Variants in SLC35F4 observed in about 807,000 individuals in gnomAD.
SLC35F4 encodes solute carrier family 35 member F4, also known as chromosome 14 open reading frame 36.
SLC35F4 carries 24 observed loss-of-function variants against 44.2 expected under a neutral mutation model. The observed-to-expected ratio is 0.54, with a 90% confidence interval of 0.39 to 0.76. The LOEUF (loss-of-function observed/expected upper bound fraction) is 0.76. Among genes scored for constraint, SLC35F4 ranks in the 30% least tolerant of loss-of-function variants. SLC35F4 has a pLI of 0.00. For missense variants in SLC35F4, 562 were observed against 586.1 expected (o/e 0.96, Z 0.42); for synonymous variants, 238 against 223.6 (o/e 1.06, Z -0.57).
intron 1 of SLC35F4, among the ~76,000 whole-genome samples, chr14:57,955,096 G>A (rs947620351): frequency 4.6e-5 from 7 of 152,024 alleles, no homozygotes; most frequent in Non-Finnish European, 7.4e-5. Flanking sequence ...TATCCACCAC[G>A]ATCAAGCTGG....
intron 1 of SLC35F4, among the ~76,000 whole-genome samples, chr14:57,632,415 T>G (rs1158906969): frequency 6.6e-6 from 1 of 151,958 alleles, no homozygotes; most frequent in African/African-American, 2.4e-5. Context: ...CAGGGAGAGC[T>G]CACAGGAGGT....
chr14:57,614,939 G>C (rs1423695710), intron 1 of SLC35F4, among the ~76,000 whole-genome samples: 1 of 152,242 alleles, frequency 6.6e-6, no homozygotes, highest in Non-Finnish European at 1.5e-5. Flanking sequence ...CATAAAATAA[G>C]AGGGTGGGAC....
intron 1 of SLC35F4, among the ~76,000 whole-genome samples, chr14:57,887,773 T>C (rs1409381357): frequency 6.6e-6 from 1 of 152,186 alleles, no homozygotes; most frequent in Non-Finnish European, 1.5e-5. Context: ...CAGCCTCTTC[T>C]GGGCATTATT....
chr14:57,822,191 T>C (rs1273974850), intron 1 of SLC35F4, among the ~76,000 whole-genome samples: 3 of 152,216 alleles, frequency 2.0e-5, no homozygotes, highest in Admixed American at 6.5e-5. Flanking sequence ...TTGGAGCACA[T>C]TGCATTGTCT....
intron 1 of SLC35F4, among the ~76,000 whole-genome samples, chr14:57,603,298 T>TA (rs906878648): frequency 5.3e-5 from 8 of 152,224 alleles, no homozygotes; most frequent in Middle Eastern, 3.4e-3. Context: ...ACAATTTTTT[T>TA]AAAAAAAATC....
intron 1 of SLC35F4, among the ~76,000 whole-genome samples, chr14:57,853,220 T>A (rs534091613): frequency 2.8e-4 from 42 of 152,296 alleles, no homozygotes; most frequent in African/African-American, 9.9e-4. Context: ...CAAGGACTTA[T>A]ACTCTAAATA....
At chr14:57,682,539 A>C (rs2074940061) in intron 1 of SLC35F4, among the ~76,000 whole-genome samples, 1 of 152,092 alleles carries the variant, frequency 6.6e-6, no homozygotes, top group South Asian at 2.1e-4. Flanking sequence ...CATAATGTAG[A>C]TGACGGATTG....
At chr14:57,939,746 A>G (rs1889882019) in intron 1 of SLC35F4, among the ~76,000 whole-genome samples, 1 of 152,224 alleles carries the variant, frequency 6.6e-6, no homozygotes, top group African/African-American at 2.4e-5. Context: ...GGAGTTGGGT[A>G]GAAGGCCAGA....
At chr14:57,797,576 G>C (rs1192741799) in intron 1 of SLC35F4, among the ~76,000 whole-genome samples, 2 of 151,990 alleles carry the variant, frequency 1.3e-5, no homozygotes, top group African/African-American at 2.4e-5. Flanking sequence ...AGCTCAAACA[G>C]TCTATGAAAA....
At chr14:57,566,382 C>A in intron 7 of SLC35F4, 93 bp downstream of exon 7, 1 of 1,209,548 alleles carries the variant, frequency 8.3e-7, no homozygotes. Flanking sequence ...ACATAATTCA[C>A]AATTTCTAGA....
chr14:57,795,510 C>A (rs1306495873), intron 1 of SLC35F4, among the ~76,000 whole-genome samples: 2 of 152,156 alleles, frequency 1.3e-5, no homozygotes, highest in Non-Finnish European at 2.9e-5. Context: ...TTTAGCCAGT[C>A]TGCTTATGTA....
intron 1 of SLC35F4, among the ~76,000 whole-genome samples, chr14:57,904,310 G>A (rs943492354): frequency 2.0e-5 from 3 of 152,256 alleles, no homozygotes; most frequent in South Asian, 2.1e-4. Context: ...TCTCCTGCTC[G>A]GTCTGTTGAG....
intron 1 of SLC35F4, among the ~76,000 whole-genome samples, chr14:57,778,418 CAAG>C (rs1482645252): frequency 1.3e-5 from 2 of 152,032 alleles, no homozygotes; most frequent in Admixed American, 6.6e-5. Flanking sequence ...TTCAATTCAA[CAAG>C]AAGAGCTAAC....
At chr14:57,729,965 A>G (rs2076304937) in intron 1 of SLC35F4, among the ~76,000 whole-genome samples, 1 of 152,160 alleles carries the variant, frequency 6.6e-6, no homozygotes, top group African/African-American at 2.4e-5. Context: ...AGCTCAGCAC[A>G]GCTTTACTCT....
intron 1 of SLC35F4, among the ~76,000 whole-genome samples, chr14:57,865,117 T>G (rs979570248): frequency 8.0e-6 from 1 of 124,668 alleles, no homozygotes; most frequent in African/African-American, 3.0e-5. Flanking sequence ...GCTCTGGGGC[T>G]CGGAGACCTG....
At chr14:57,881,720 G>A (rs184064393) in intron 1 of SLC35F4, among the ~76,000 whole-genome samples, 2 of 152,268 alleles carry the variant, frequency 1.3e-5, no homozygotes, top group African/African-American at 2.4e-5. Flanking sequence ...AGAGGAACAT[G>A]TTGGTTCTTT....
chr14:57,747,501 G>A (rs1056613169), intron 1 of SLC35F4, among the ~76,000 whole-genome samples: 1 of 152,112 alleles, frequency 6.6e-6, no homozygotes, highest in Non-Finnish European at 1.5e-5. Flanking sequence ...TGAACCCCCA[G>A]TATGGTATTG....
At chr14:57,645,038 T>G (rs1156315705) in intron 1 of SLC35F4, among the ~76,000 whole-genome samples, 1 of 152,212 alleles carries the variant, frequency 6.6e-6, no homozygotes, top group Non-Finnish European at 1.5e-5. Flanking sequence ...GTAGTATAGT[T>G]TAAAGTCAGG....
intron 1 of SLC35F4, among the ~76,000 whole-genome samples, chr14:57,890,759 T>G (rs1022498674): frequency 5.9e-5 from 9 of 152,138 alleles, no homozygotes; most frequent in African/African-American, 2.2e-4. Context: ...GTTTTAGAAA[T>G]GAGGCATAAA....
Sources: allele counts gnomAD v4.1 joint callset (sites outside exome capture counted in the v4.1 genomes callset), GRCh38; gene constraint gnomAD v4.1.1; transcripts MANE v1.5; gene names NCBI Gene and HGNC (gene_info 2026-07-23, HGNC 2026-07-21).